The following GPR17 variants were observed in gnomAD, a reference collection of about 807,000 sequenced individuals.
GPR17 encodes the protein G protein-coupled receptor 17.
Under a neutral mutation model 1.5 loss-of-function variants are expected in GPR17, and 4 were observed. That is an observed-to-expected ratio of 2.73 (90% confidence interval 1.35 to 6.25). The LOEUF (loss-of-function observed/expected upper bound fraction) is 6.25. GPR17 is among the 30% of genes most tolerant of loss of function. GPR17 has a pLI of 0.00. For synonymous variants in GPR17, 209 were observed against 207.6 expected, an observed-to-expected ratio of 1.01 and a Z score of -0.06; for missense variants, 463 against 462.1, an observed-to-expected ratio of 1.00 and a Z score of -0.02.
chr2:127,652,063 C>T lies in GPR17; in HGVS notation c.*308C>T, dbSNP rs576436283. 7.7e-5 allele frequency: 29 copies of T among 375,486 alleles called. No individual in the cohort carries two copies. In the East Asian group the frequency reaches 1.1e-3, roughly 14 times the overall value. The allele number at this position is 375,486 out of a possible 1,614,324, so 23.3% of individuals were successfully genotyped here. Reference sequence around the variant, plus strand: ...CTGAACAATGGAGGCCTTTCTTTCCCGCTAGGCTCCCAGCCTCCTTCCCGC... The same window carrying T: ...CTGAACAATGGAGGCCTTTCTTTCCTGCTAGGCTCCCAGCCTCCTTCCCGC... On this transcript the variant is annotated 3_prime_UTR_variant, in exon 2 of 2. Transcript: ENST00000486700.
rs1272722830 is a variant in GPR17, at chr2:127,651,235, T to G, written c.500T>G (p.Leu167Arg). The change falls in exon 2 of 2, where the codon CTG (leucine) becomes CGG (arginine). Residue 167 changes from leucine (L) to arginine (R), a missense_variant. Coordinates refer to ENST00000486700, the MANE Select transcript of GPR17 (RefSeq NM_001161417.2). ...VVVAVAMAPL[L>R]VSPQTVQTNH... ...GTGGCTGTGGCCATGGCCCCGCTGC[T>G]GGTGAGCCCACAGACCGTGCAGACC... 1 of 1,607,558 alleles carries G rather than the reference T, an allele frequency of 6.2e-7. No homozygotes were observed. The highest frequency in any genetic ancestry group is 1.3e-5 in the African/African-American group (1 of 75,032).
In GPR17 at chr2:127,650,627, G is replaced by A. The variant is rs1683647689; in HGVS notation, c.-20-89G>A. The A allele has an allele frequency of 3.4e-6, 3 of 874,660 alleles. No individual in the cohort carries two copies. The Admixed American group carries it at 6.8e-5, about 20-fold the overall frequency. The allele number at this position is 874,660 out of a possible 1,614,324, so 54.2% of individuals were successfully genotyped here. ...GAGCTTGAAAGTGGGAGGTTCTGAAGGCATTGGAGGCCTGACTTCTGGACT... is the reference window on the plus strand; with the variant it reads ...GAGCTTGAAAGTGGGAGGTTCTGAAAGCATTGGAGGCCTGACTTCTGGACT... On this transcript the variant is annotated intron_variant, in intron 1 of 1. Coordinates refer to ENST00000486700, the MANE Select transcript of GPR17 (RefSeq NM_001161417.2).
In GPR17 at chr2:127,650,706, T is replaced by C; in HGVS notation, c.-20-10T>C. On this transcript the variant is annotated splice_polypyrimidine_tract_variant and intron_variant, in intron 1 of 1. Transcript: ENST00000486700. ...AAGCTCATTGTGAACTGTTTGCTTG[T>C]TCCCTCCAGGCTCTGACTCCAGCCA... 1.3e-6 allele frequency: 2 copies of C among 1,586,742 alleles called. No individual in the cohort carries two copies. Among genetic ancestry groups the C allele is most frequent in the Non-Finnish European group, 1.7e-6 (2 of 1,162,610 alleles).
At position 127,652,034 on chromosome 2, in the gene GPR17, A is replaced by C. The variant is rs1573801744; in HGVS notation, c.*279A>C. The stretch of plus-strand genomic sequence containing the variant: ...AGGGAGAGAGGAGGCCGGAAGAACA[A>C]CCCCTGAACAATGGAGGCCTTTCTT... On this transcript the variant is annotated 3_prime_UTR_variant, in exon 2 of 2. Coordinates refer to ENST00000486700, the MANE Select transcript of GPR17 (RefSeq NM_001161417.2). 1 of 463,622 alleles carries C rather than the reference A, an allele frequency of 2.2e-6. No individual in the cohort carries two copies. The highest frequency in any genetic ancestry group is 4.0e-6 in the Non-Finnish European group (1 of 252,534). The allele number at this position is 463,622 out of a possible 1,614,324, so 28.7% of individuals were successfully genotyped here.
chr2:127,649,163 G>GTTAGGAAGGAAGGAAGGAAA lies in GPR17; in HGVS notation c.-20-1553_-20-1552insTTAGGAAGGAAGGAAGGAAA, dbSNP rs1476488834. ...CAAAGCGAAGTGAGAGAGAGAGGAA[G>GTTAGGAAGGAAGGAAGGAAA]GTAGGAAGGAAGGAAGGAAGGAAGG... is the stretch of plus-strand genomic sequence containing the variant. On this transcript the variant is annotated intron_variant, in intron 1 of 1. Coordinates refer to ENST00000486700, the MANE Select transcript of GPR17 (RefSeq NM_001161417.2). Among the ~76,000 whole-genome samples, 184 of 112,084 alleles carry GTTAGGAAGGAAGGAAGGAAA rather than the reference G, an allele frequency of 1.6e-3. 2 individuals are homozygous for GTTAGGAAGGAAGGAAGGAAA. The highest frequency in any genetic ancestry group is 6.6e-3 in the Admixed American group (72 of 10,834). 73.5% of individuals were successfully genotyped at this position (112,084 alleles called of 152,430 possible).
At chr2:127,649,090 A>G (rs549006483) in intron 1 of GPR17, among the ~76,000 whole-genome samples, 3 of 146,550 alleles carry the variant, frequency 2.0e-5, no homozygotes, top group South Asian at 4.3e-4. Context: ...AAAGAAAAAA[A>G]GAAAAAAGAA....
intron 1 of GPR17, among the ~76,000 whole-genome samples, chr2:127,649,059 G>A (rs1683360839): frequency 8.2e-6 from 1 of 121,870 alleles, no homozygotes; most frequent in Non-Finnish European, 1.8e-5. Context: ...AAAGAAGAAA[G>A]GAAGGAAGGA....
rs933137649 is a variant in GPR17, at chr2:127,649,794, C to T, written c.-20-922C>T. On this transcript the variant is annotated intron_variant, in intron 1 of 1. Transcript: ENST00000486700. ...CAGGGCTCTGCACTTGGCCTTCAAACGTGGGCAAGCCACGAGGCCTCCAGG... is the reference window on the plus strand; with the variant it reads ...CAGGGCTCTGCACTTGGCCTTCAAATGTGGGCAAGCCACGAGGCCTCCAGG... 37 of 562,266 alleles carry T rather than the reference C, an allele frequency of 6.6e-5. No individual in the cohort carries two copies. In the Middle Eastern group the frequency reaches 2.8e-3, roughly 43 times the overall value. 34.8% of individuals were successfully genotyped at this position (562,266 alleles called of 1,614,324 possible). A position where few individuals can be genotyped will look rare whatever the true frequency, so the allele number is the denominator to read the frequency against.
Position 127,647,936 on chromosome 2 carries a change from T to G in GPR17, c.-21+1692T>G. 3.7e-6 allele frequency: 3 copies of G among 805,244 alleles called. No homozygotes were observed. Among genetic ancestry groups the G allele is most frequent in the Non-Finnish European group, 4.5e-6 (3 of 665,090 alleles). 49.9% of individuals were successfully genotyped at this position (805,244 alleles called of 1,614,324 possible). A position where few individuals can be genotyped will look rare whatever the true frequency, so the allele number is the denominator to read the frequency against. On this transcript the variant is annotated intron_variant, in intron 1 of 1. Coordinates refer to ENST00000486700, the MANE Select transcript of GPR17 (RefSeq NM_001161417.2). The surrounding 1 kb of genome is among the most constrained non-coding windows in gnomAD (Gnocchi z 4.3). Reference sequence around the variant, plus strand: ...TCACAGGCCCTGTCAAGGGCTGTGTTCCTCCCTCCTTTTACCTCTCCTCCA... The same window carrying G: ...TCACAGGCCCTGTCAAGGGCTGTGTGCCTCCCTCCTTTTACCTCTCCTCCA...
rs1189588087 is a variant in GPR17, at chr2:127,649,957, G to A, written c.-20-759G>A. On this transcript the variant is annotated intron_variant, in intron 1 of 1. Coordinates refer to ENST00000486700, the MANE Select transcript of GPR17 (RefSeq NM_001161417.2). ...TCTGGGAGAGAAAATACTCCCAGCT[G>A]GCCTGATACCCAGGCACAGGCTTCT... 9 of 1,435,640 alleles carry A rather than the reference G, an allele frequency of 6.3e-6. No individual in the cohort carries two copies. In the Admixed American group the frequency reaches 1.3e-4, roughly 20 times the overall value. The allele number at this position is 1,435,640 out of a possible 1,614,324, so 88.9% of individuals were successfully genotyped here.
rs554089578 is a variant in GPR17, at chr2:127,647,635, C to T, written c.-21+1391C>T. ...TCCCACCCCCAGGTTCTAACAAGGG[C>T]CCCTCACTCACTGGGCCCCCTCTCC... On this transcript the variant is annotated intron_variant, in intron 1 of 1. Transcript: ENST00000486700. The surrounding 1 kb of genome is among the most constrained non-coding windows in gnomAD (Gnocchi z 4.3). Among the ~76,000 whole-genome samples, 1 of 152,132 alleles carries T rather than the reference C, an allele frequency of 6.6e-6. No homozygotes were observed. The highest frequency in any genetic ancestry group is 1.9e-4 in the East Asian group (1 of 5,150).
In GPR17 at chr2:127,651,038, A is replaced by T. The variant is rs913378458; in HGVS notation, c.303A>T (p.Glu101Asp). The change falls in exon 2 of 2, where the codon GAA becomes GAT. Residue 101 changes from glutamate (E) to aspartate (D), a missense_variant. Glu to Asp is a conservative substitution (Grantham distance 45, BLOSUM62 2). Coordinates refer to ENST00000486700, the MANE Select transcript of GPR17 (RefSeq NM_001161417.2). ...HFSGNHWPFGEIACRLTGFLF... is the reference protein window; with the variant it reads ...HFSGNHWPFGDIACRLTGFLF... ...CTGGGAACCACTGGCCATTTGGGGA[A>T]ATCGCATGCCGTCTCACCGGCTTCC... The T allele has an allele frequency of 1.2e-6, 2 of 1,613,584 alleles. No homozygotes were observed. The highest frequency in any genetic ancestry group is 1.6e-4 in the Middle Eastern group (1 of 6,084).
chr2:127,651,627 T>C lies in GPR17; in HGVS notation c.892T>C (p.Phe298Leu). Residue 298 changes from phenylalanine (F) to leucine (L), a missense_variant, in exon 2 of 2, where the codon TTC (phenylalanine) becomes CTC (leucine). Coordinates refer to ENST00000486700, the MANE Select transcript of GPR17 (RefSeq NM_001161417.2). ...CGGGGCACTCGACCCCATCATGTAT[T>C]TCTTCGTGGCTGAGAAGTTCCGCCA... is the stretch of plus-strand genomic sequence containing the variant. The part of the protein sequence containing the change: ...LNGALDPIMY[F>L]FVAEKFRHAL... 6.2e-7 allele frequency: 1 copy of C among 1,613,552 alleles called. No homozygotes were observed.
intron 1 of GPR17, chr2:127,650,095 C>T (rs1278415096): frequency 6.3e-7 from 1 of 1,591,226 alleles, no homozygotes; most frequent in Non-Finnish European, 8.6e-7. Context: ...AAGAGTAGAC[C>T]TCTGACGTCC....
rs1683138646 is a variant in GPR17, at chr2:127,647,626, T to C, written c.-21+1382T>C. Among the ~76,000 whole-genome samples the C allele has an allele frequency of 6.6e-6, 1 of 152,004 alleles. No individual in the cohort carries two copies. Among genetic ancestry groups the C allele is most frequent in the Non-Finnish European group, 1.5e-5 (1 of 67,964 alleles). ...TTGGCCCCTTCCCACCCCCAGGTTC[T>C]AACAAGGGCCCCTCACTCACTGGGC... is the stretch of plus-strand genomic sequence containing the variant. On this transcript the variant is annotated intron_variant, in intron 1 of 1. Transcript: ENST00000486700. The surrounding 1 kb of genome is among the most constrained non-coding windows in gnomAD (Gnocchi z 4.3).
chr2:127,650,542 T>C, intron 1 of GPR17, 174 bp from the exon 2 acceptor site: 1 of 596,038 alleles, frequency 1.7e-6, no homozygotes, highest in African/African-American at 1.9e-5. Flanking sequence ...AGAATGCCTC[T>C]GACGCTCACG....
At position 127,650,940 on chromosome 2, in the gene GPR17, T is replaced by C; in HGVS notation, c.205T>C (p.Phe69Leu). Residue 69 changes from phenylalanine to leucine, a missense_variant, in exon 2 of 2, where the codon TTC becomes CTC. Transcript: ENST00000486700. ...CAAGTCCGGGACCCCGGCCAACGTGTTCCTGATGCATCTGGCCGTGGCCGA... is the reference window on the plus strand; with the variant it reads ...CAAGTCCGGGACCCCGGCCAACGTGCTCCTGATGCATCTGGCCGTGGCCGA... ...DHKSGTPANV[F>L]LMHLAVADLS... 3 of 1,613,994 alleles carry C rather than the reference T, an allele frequency of 1.9e-6. 1 individual carries two copies. The highest frequency in any genetic ancestry group is 2.2e-5 in the South Asian group (2 of 91,086).
At chr2:127,650,668 C>A in intron 1 of GPR17, 48 bp from the exon 2 acceptor site, 1 of 1,315,248 alleles carries the variant, frequency 7.6e-7, no homozygotes, top group Non-Finnish European at 1.1e-6. Context: ...GAGCGTGAAG[C>A]TGCCTAGATC....
Position 127,647,222 on chromosome 2 carries a change from A to C in GPR17, c.-21+978A>C, listed in dbSNP as rs1683085617. On this transcript the variant is annotated intron_variant, in intron 1 of 1. Transcript: ENST00000486700. The surrounding 1 kb of genome is among the most constrained non-coding windows in gnomAD (Gnocchi z 4.3). ...TTCTCATTTCATACATGGGCCCCTA[A>C]AATGAGGGAGTGGCCCCAGGGCCAG... Among the ~76,000 whole-genome samples, 1 of 152,152 alleles carries C rather than the reference A, an allele frequency of 6.6e-6. No homozygotes were observed. The highest frequency in any genetic ancestry group is 2.4e-5 in the African/African-American group (1 of 41,446).
Sources: gnomAD v4.1 joint callset for allele counts (sites outside exome capture counted in the v4.1 genomes callset) on GRCh38, gnomAD v4.1.1 for gene constraint, Gnocchi (gnomAD v3.1) non-coding constraint, MANE v1.5 for transcripts, NCBI Gene and HGNC (gene_info 2026-07-23, HGNC 2026-07-21) for gene names.